The following CDC42SE2 variants were observed in gnomAD, a reference collection of about 807,000 sequenced individuals.
CDC42SE2 encodes the protein CDC42 small effector protein 2.
Under a neutral mutation model 11.5 loss-of-function variants are expected in CDC42SE2, and 3 were observed. That is an observed-to-expected ratio of 0.26 (90% CI 0.12 to 0.67). The LOEUF (loss-of-function observed/expected upper bound fraction) is 0.67, where lower values mean the gene tolerates loss of function less well. CDC42SE2 is among the 30% of genes least tolerant of loss of function. The pLI is 0.80. For missense variants in CDC42SE2, 82 were observed against 106.8 expected, an observed-to-expected ratio of 0.77 and a Z score of 1.02; for synonymous variants, 33 against 34.8, an observed-to-expected ratio of 0.95 and a Z score of 0.18.
At chr5:131,374,520 G>T (rs1285700427) in intron 3 of CDC42SE2, among the ~76,000 whole-genome samples, 1 of 119,936 alleles carries the variant, frequency 8.3e-6, no homozygotes, top group Non-Finnish European at 1.6e-5. Flanking sequence ...AACAGAGTGA[G>T]ACTGTCTCAA....
At chr5:131,326,734 CCTT>C (rs1348369058) in intron 2 of CDC42SE2, among the ~76,000 whole-genome samples, 3 of 151,816 alleles carry the variant, frequency 2.0e-5, no homozygotes, top group East Asian at 1.9e-4. Context: ...CTCACTTTGT[CCTT>C]CTTGATATTT....
chr5:131,277,322 A>C lies in CDC42SE2; in HGVS notation c.-455+13156A>C, dbSNP rs192638910. On this transcript the variant is annotated intron_variant, in intron 1 of 4. Transcript: ENST00000505065. The stretch of plus-strand genomic sequence containing the variant: ...ATGCCCGCCATCCTACTTTAACTTC[A>C]TAATGTTCTGTTTAGATTATTAAGT... Among the ~76,000 whole-genome samples, 19 of 152,314 alleles carry C rather than the reference A, an allele frequency of 1.2e-4. 1 individual carries two copies. The highest frequency in any genetic ancestry group is 4.6e-4 in the African/African-American group (19 of 41,568).
upstream of CDC42SE2, among the ~76,000 whole-genome samples, chr5:131,243,430 C>CA (rs1756555739): frequency 6.6e-6 from 1 of 151,888 alleles, no homozygotes. Flanking sequence ...ACTAAAAATA[C>CA]AAAAAATTAG....
At chr5:131,216,501 C>CAAA in the CDC42SE2 span, among the ~76,000 whole-genome samples, 386 of 42,058 alleles carry the variant, frequency 9.2e-3, 11 homozygotes, top group African/African-American at 0.038. Context: ...GAACCTGTCT[C>CAAA]AAAAAAAAAA....
At chr5:131,241,638 C>A (rs1187245330), upstream of CDC42SE2, among the ~76,000 whole-genome samples, 1 of 152,028 alleles carries the variant, frequency 6.6e-6, no homozygotes, top group African/African-American at 2.4e-5. Context: ...CCTTTGCCTA[C>A]ACCCCTTGAT....
At chr5:131,342,688 A>C (rs1758740326) in intron 2 of CDC42SE2, among the ~76,000 whole-genome samples, 1 of 150,526 alleles carries the variant, frequency 6.6e-6, no homozygotes, top group African/African-American at 2.4e-5. Context: ...GCACCTGGTT[A>C]ATAGTCTTTT....
the CDC42SE2 span, among the ~76,000 whole-genome samples, chr5:131,238,252 C>G: frequency 6.6e-6 from 1 of 152,176 alleles, no homozygotes; most frequent in South Asian, 2.1e-4. Context: ...AATCCCAGCA[C>G]TTTGGGAGAC....
intron 1 of CDC42SE2, among the ~76,000 whole-genome samples, chr5:131,284,286 A>G (rs1451579799): frequency 6.6e-6 from 1 of 152,180 alleles, no homozygotes; most frequent in African/African-American, 2.4e-5. Context: ...TTATAATTTT[A>G]AAAAATTGAA....
At chr5:131,338,162 A>C (rs1758622279) in intron 2 of CDC42SE2, among the ~76,000 whole-genome samples, 1 of 152,258 alleles carries the variant, frequency 6.6e-6, no homozygotes, top group East Asian at 1.9e-4. Flanking sequence ...TGAACAAGTA[A>C]TCACCACCAG....
Position 131,326,850 on chromosome 5 carries a change from A to G in CDC42SE2, c.-286+10706A>G, listed in dbSNP as rs528359803. Reference sequence around the variant, plus strand: ...GGCTGGTCTTGAACTCCTGGACTCAATCATTCTGCCTTGGCCTCCCAAAGT... The same window carrying G: ...GGCTGGTCTTGAACTCCTGGACTCAGTCATTCTGCCTTGGCCTCCCAAAGT... On this transcript the variant is annotated intron_variant, in intron 2 of 4. Transcript: ENST00000505065. Among the ~76,000 whole-genome samples, 8 of 152,186 alleles carry G rather than the reference A, an allele frequency of 5.3e-5. No individual in the cohort carries two copies. In the South Asian group the frequency reaches 6.2e-4, roughly 12 times the overall value.
chr5:131,255,067 G>A (rs879301697), intron 1 of CDC42SE2: 7 of 151,996 alleles, frequency 4.6e-5, no homozygotes, highest in African/African-American at 7.3e-5. Flanking sequence ...TATAATTATC[G>A]CTTATCATTT....
chr5:131,261,172 T>C (rs551048845), upstream of CDC42SE2: 12 of 152,382 alleles, frequency 7.9e-5, no homozygotes, highest in African/African-American at 2.6e-4. Flanking sequence ...TCTTCTGGAC[T>C]ATAATAGTTG....
In CDC42SE2 at chr5:131,392,814, C is replaced by T. The variant is rs925285504; in HGVS notation, c.*1723C>T. 6.6e-6 allele frequency: 1 copy of T among 152,308 alleles called. No homozygotes were observed. Among genetic ancestry groups the T allele is most frequent in the Non-Finnish European group, 1.5e-5 (1 of 68,044 alleles). The allele number at this position is 152,308 out of a possible 1,614,324, so 9.4% of individuals were successfully genotyped here. On this transcript the variant is annotated 3_prime_UTR_variant, in exon 5 of 5. Coordinates refer to ENST00000505065, the MANE Select transcript of CDC42SE2 (RefSeq NM_001375635.1). ...TTGTTTCCAGTAGCAGTTTCTTGAA[C>T]TTCTGGCCTGTACTACTAACTGCAG...
At chr5:131,331,334 A>G (rs922988740) in intron 2 of CDC42SE2, among the ~76,000 whole-genome samples, 4 of 152,328 alleles carry the variant, frequency 2.6e-5, no homozygotes, top group African/African-American at 4.8e-5. Context: ...TTCACATTCT[A>G]CCTCAATAAT....
At chr5:131,373,571 C>T (rs975636410) in intron 3 of CDC42SE2, among the ~76,000 whole-genome samples, 3 of 152,172 alleles carry the variant, frequency 2.0e-5, no homozygotes, top group Non-Finnish European at 2.9e-5. Context: ...GATCACTGTT[C>T]ATTGAATTTA....
At chr5:131,350,045 A>C (rs1435226118) in intron 2 of CDC42SE2, among the ~76,000 whole-genome samples, 3 of 152,138 alleles carry the variant, frequency 2.0e-5, no homozygotes, top group Non-Finnish European at 4.4e-5. Flanking sequence ...AACATCATAG[A>C]TTACAGAGTA....
intron 2 of CDC42SE2, among the ~76,000 whole-genome samples, chr5:131,352,961 A>G (rs6894704): frequency 0.075 from 11,308 of 151,552 alleles, 853 homozygotes; most frequent in African/African-American, 0.2. Context: ...ATTATTATCA[A>G]CTGCTCATTG....
chr5:131,309,119 C>T (rs1174961501), intron 1 of CDC42SE2, among the ~76,000 whole-genome samples: 1 of 152,120 alleles, frequency 6.6e-6, no homozygotes, highest in Non-Finnish European at 1.5e-5. Flanking sequence ...AAATACATCC[C>T]ATCAATACCT....
intron 3 of CDC42SE2, among the ~76,000 whole-genome samples, chr5:131,381,729 T>C (rs1409507197): frequency 6.6e-6 from 1 of 152,254 alleles, no homozygotes; most frequent in Non-Finnish European, 1.5e-5. Flanking sequence ...TAATAACTTA[T>C]TTTGACCTCT....
Sources: allele counts gnomAD v4.1 joint callset (sites outside exome capture counted in the v4.1 genomes callset), GRCh38; gene constraint gnomAD v4.1.1; transcripts MANE v1.5; gene names NCBI Gene and HGNC (gene_info 2026-07-23, HGNC 2026-07-21).